Variants in ZYG11B observed in about 807,000 individuals in gnomAD.
The protein encoded by ZYG11B is protein zyg-11 homolog B.
ZYG11B carries 36 observed loss-of-function variants against 82.4 expected under a neutral mutation model. The observed-to-expected ratio is 0.44, with a 90% CI of 0.33 to 0.58. The LOEUF (loss-of-function observed/expected upper bound fraction) is 0.58. ZYG11B is among the 20% of genes least tolerant of loss of function. The pLI, the probability that ZYG11B is intolerant of heterozygous loss-of-function variation, is 0.02. For synonymous variants in ZYG11B, 303 were observed against 312.8 expected (o/e 0.97, Z 0.33); for missense variants, 552 against 895.6 (o/e 0.62, Z 4.90).
At chr1:52,789,137 G>A (rs1644935894) in intron 5 of ZYG11B, among the ~76,000 whole-genome samples, 1 of 152,052 alleles carries the variant, frequency 6.6e-6, no homozygotes, top group African/African-American at 2.4e-5. Flanking sequence ...CTACCACTTT[G>A]CCTTTTCTCT....
chr1:52,803,003 G>A (rs1471740587), intron 10 of ZYG11B, among the ~76,000 whole-genome samples: 3 of 141,832 alleles, frequency 2.1e-5, no homozygotes, highest in African/African-American at 5.2e-5. Context: ...CTGGGCAACA[G>A]AGCAAGACTC....
chr1:52,754,331 C>G (rs562138813), intron 1 of ZYG11B: 2 of 152,276 alleles, frequency 1.3e-5, no homozygotes, highest in African/African-American at 4.8e-5. Flanking sequence ...GACTATTTCT[C>G]GGCCTTTTGG....
intron 6 of ZYG11B, among the ~76,000 whole-genome samples, chr1:52,795,588 T>A (rs1386698089): frequency 1.3e-5 from 2 of 152,096 alleles, no homozygotes; most frequent in Non-Finnish European, 2.9e-5. Context: ...CTGTTGTATT[T>A]CTCCTCCCCT....
chr1:52,799,416 G>A (rs1003589252), intron 8 of ZYG11B, among the ~76,000 whole-genome samples: 2 of 151,620 alleles, frequency 1.3e-5, no homozygotes, highest in Non-Finnish European at 2.9e-5. Flanking sequence ...GAACCCAGGA[G>A]GTGGAGCTTC....
At position 52,770,759 on chromosome 1, in the gene ZYG11B, C is replaced by T. The variant is rs72668678; in HGVS notation, c.197-261C>T. On this transcript the variant is annotated intron_variant, in intron 2 of 13. Coordinates refer to ENST00000294353, the MANE Select transcript of ZYG11B (RefSeq NM_024646.3). ...ATGTAGTTGTCTGGTAAGGTAAGAA[C>T]TAGATGTTAGTGGATATCAATAATG... Among the ~76,000 whole-genome samples, 523 of 152,266 alleles carry T rather than the reference C, an allele frequency of 3.4e-3. 2 individuals carry two copies. Among genetic ancestry groups the T allele is most frequent in the Middle Eastern group, 0.01 (3 of 294 alleles).
At chr1:52,770,005 A>G (rs927896530) in intron 2 of ZYG11B, among the ~76,000 whole-genome samples, 18 of 140,372 alleles carry the variant, frequency 1.3e-4, no homozygotes, top group African/African-American at 4.9e-4. Flanking sequence ...GCACTTCAAG[A>G]GGTTACTGTG....
chr1:52,776,229 A>AAAAAAAAAAAATATAAATATAT, intron 3 of ZYG11B, among the ~76,000 whole-genome samples: 1 of 23,536 alleles, frequency 4.2e-5, no homozygotes, highest in African/African-American at 9.5e-5. Flanking sequence ...TAAAAAAAAA[A>AAAAAAAAAAAATATAAATATAT]ATATATATAT....
chr1:52,780,134 A>G (rs918847766), intron 4 of ZYG11B, 141 bp downstream of exon 4: 5 of 796,024 alleles, frequency 6.3e-6, no homozygotes, highest in Non-Finnish European at 9.7e-6. Context: ...TTCAATCATT[A>G]GCTATAAACG....
chr1:52,776,533 CAA>C (rs139862670), intron 3 of ZYG11B, among the ~76,000 whole-genome samples: 14 of 92,092 alleles, frequency 1.5e-4, no homozygotes, highest in Non-Finnish European at 1.5e-4. Flanking sequence ...GACTGTGTCT[CAA>C]AAAAAAAAAA....
intron 10 of ZYG11B, among the ~76,000 whole-genome samples, chr1:52,811,304 G>A (rs900143099): frequency 6.6e-6 from 1 of 151,968 alleles, no homozygotes; most frequent in Non-Finnish European, 1.5e-5. Context: ...CATTATTTCT[G>A]CAAATACCTT....
chr1:52,726,775 T>G, intron 1 of ZYG11B, 92 bp downstream of exon 1: 1 of 1,282,488 alleles, frequency 7.8e-7, no homozygotes, highest in Non-Finnish European at 1.0e-6. Context: ...CCTCCCTGTC[T>G]CTGGTGTCCC....
chr1:52,764,354 CA>C (rs1303056400), intron 2 of ZYG11B, among the ~76,000 whole-genome samples: 2 of 150,958 alleles, frequency 1.3e-5, no homozygotes, highest in East Asian at 3.9e-4. Context: ...AGGCTGGTCT[CA>C]AACTCCTGAC....
intron 11 of ZYG11B, 62 bp from the exon 12 acceptor site, chr1:52,813,798 A>G: frequency 3.1e-6 from 5 of 1,612,828 alleles, no homozygotes; most frequent in Non-Finnish European, 4.2e-6. Flanking sequence ...CTCATAATGT[A>G]GTAAATAATG....
intron 2 of ZYG11B, among the ~76,000 whole-genome samples, chr1:52,767,114 GTTA>G (rs1644699381): frequency 6.8e-6 from 1 of 147,142 alleles, no homozygotes; most frequent in Admixed American, 6.7e-5. Context: ...GTTTTATGTT[GTTA>G]TTTTATTTTA....
At chr1:52,726,779 G>A (rs1644288017) in intron 1 of ZYG11B, 96 bp downstream of exon 1, 2 of 1,254,202 alleles carry the variant, frequency 1.6e-6, no homozygotes, top group Admixed American at 3.6e-5. Context: ...CCTGTCTCTG[G>A]TGTCCCCTCG....
intron 1 of ZYG11B, among the ~76,000 whole-genome samples, chr1:52,739,895 G>A (rs981782158): frequency 4.6e-5 from 7 of 152,074 alleles, no homozygotes; most frequent in African/African-American, 1.4e-4. Flanking sequence ...CATGAGCCAC[G>A]CTCCTGGCCC....
chr1:52,726,711 C>T (rs947863300), intron 1 of ZYG11B, 28 bp downstream of exon 1: 51 of 1,465,546 alleles, frequency 3.5e-5, no homozygotes, highest in Non-Finnish European at 4.2e-5. Context: ...GCCCTAGCCG[C>T]AGCCGCCCGC....
At chr1:52,780,622 T>C (rs961855039) in intron 4 of ZYG11B, among the ~76,000 whole-genome samples, 1 of 152,230 alleles carries the variant, frequency 6.6e-6, no homozygotes, top group Non-Finnish European at 1.5e-5. Context: ...AATTAAGTTT[T>C]GTTTTGTTTT....
Position 52,771,593 on chromosome 1 carries a change from G to A in ZYG11B, c.770G>A (p.Arg257His), listed in dbSNP as rs762349482. The A allele has an allele frequency of 1.6e-5, 26 of 1,614,012 alleles. No homozygotes were observed. The Admixed American group carries it at 4.0e-4, about 25-fold the overall frequency. The change falls in exon 3 of 14, where the codon CGC (arginine) becomes CAC (histidine). Residue 257 changes from arginine to histidine, a missense_variant. Arg to His is a conservative substitution (Grantham distance 29). Coordinates refer to ENST00000294353, the MANE Select transcript of ZYG11B (RefSeq NM_024646.3). This position sits in a 1 kb window ranked among gnomAD's most constrained non-coding sequence, Gnocchi z 5.4. ...CAGTTTACATCAGACATAGCTCTTCGCTTACTAGAACAAAAAGACATCCTA... is the reference window on the plus strand; with the variant it reads ...CAGTTTACATCAGACATAGCTCTTCACTTACTAGAACAAAAAGACATCCTA... ...DKQFTSDIAL[R>H]LLEQKDILPN...
Sources: gnomAD v4.1 joint callset for allele counts (sites outside exome capture counted in the v4.1 genomes callset) on GRCh38, gnomAD v4.1.1 for gene constraint, Gnocchi (gnomAD v3.1) non-coding constraint, MANE v1.5 for transcripts, NCBI Gene and HGNC (gene_info 2026-07-23, HGNC 2026-07-21) for gene names.